Variants in INVS observed in about 807,000 individuals in gnomAD.
INVS encodes inversion of embryo turning homolog.
A neutral mutation model predicts 108.8 loss-of-function variants in INVS; 86 were observed. The ratio of observed to expected loss-of-function variants is 0.79; its 90% CI spans 0.66 to 0.95. The LOEUF (loss-of-function observed/expected upper bound fraction) is 0.95. INVS is among the 40% of genes least tolerant of loss of function. The probability of loss-of-function intolerance (pLI) is 0.00; values close to 1 mark genes in which losing one functional copy is unlikely to be tolerated. For synonymous variants in INVS, 455 were observed against 473.5 expected (o/e 0.96, Z 0.51); for missense variants, 1,169 against 1,297.4 (o/e 0.90, Z 1.52).
chr9:100,165,999 T>G (rs1292487475), intron 3 of INVS, among the ~76,000 whole-genome samples: 1 of 152,174 alleles, frequency 6.6e-6, no homozygotes, highest in African/African-American at 2.4e-5. Context: ...GCGGATTTTT[T>G]TAAGCAATAA....
chr9:100,153,461 A>T (rs1828871587), intron 3 of INVS, among the ~76,000 whole-genome samples: 1 of 152,194 alleles, frequency 6.6e-6, no homozygotes, highest in Non-Finnish European at 1.5e-5. Context: ...TTCGTCATAA[A>T]AGAAATACAA....
intron 13 of INVS, among the ~76,000 whole-genome samples, chr9:100,288,965 T>C (rs1833531641): frequency 6.9e-6 from 1 of 144,548 alleles, no homozygotes; most frequent in African/African-American, 2.7e-5. Flanking sequence ...GAGACTCTTT[T>C]GCTGGTTGGA....
At chr9:100,166,130 TG>T (rs1282105439) in intron 3 of INVS, among the ~76,000 whole-genome samples, 15 of 152,320 alleles carry the variant, frequency 9.8e-5, no homozygotes, top group African/African-American at 3.6e-4. Context: ...ATTGTCTAGA[TG>T]AAAAACCTGA....
intron 3 of INVS, among the ~76,000 whole-genome samples, chr9:100,221,231 T>G (rs1382972202): frequency 6.6e-6 from 1 of 152,132 alleles, no homozygotes; most frequent in Non-Finnish European, 1.5e-5. Context: ...ACTAGAAATA[T>G]TCTCCTGATT....
chr9:100,255,097 C>G (rs990699349), intron 10 of INVS, among the ~76,000 whole-genome samples: 3 of 152,138 alleles, frequency 2.0e-5, no homozygotes, highest in African/African-American at 7.2e-5. Flanking sequence ...TTTCATTGAG[C>G]AGTGGTTTGT....
intron 3 of INVS, among the ~76,000 whole-genome samples, chr9:100,225,500 G>A (rs7853672): frequency 0.18 from 26,965 of 152,020 alleles, 3,640 homozygotes; most frequent in African/African-American, 0.38. Context: ...CTGTAAATTG[G>A]GATTTAACAT....
At chr9:100,261,078 AT>A (rs1832605657) in intron 10 of INVS, among the ~76,000 whole-genome samples, 1 of 152,178 alleles carries the variant, frequency 6.6e-6, no homozygotes, top group African/African-American at 2.4e-5. Context: ...TAATTAAATT[AT>A]TTTAACTCTT....
intron 3 of INVS, among the ~76,000 whole-genome samples, chr9:100,191,287 G>T (rs1588076948): frequency 6.6e-6 from 1 of 152,048 alleles, no homozygotes; most frequent in Non-Finnish European, 1.5e-5. Flanking sequence ...CAAATTTTTT[G>T]TTTGTCTTCT....
intron 13 of INVS, among the ~76,000 whole-genome samples, chr9:100,289,708 C>T (rs1412433078): frequency 6.6e-6 from 1 of 152,160 alleles, no homozygotes; most frequent in Admixed American, 6.5e-5. Context: ...ATATTGTTCT[C>T]AGAGCAGTAC....
chr9:100,105,652 A>G (rs1341242312), intron 2 of INVS, among the ~76,000 whole-genome samples: 1 of 152,036 alleles, frequency 6.6e-6, no homozygotes, highest in Non-Finnish European at 1.5e-5. Context: ...AAATCACTCA[A>G]ACATTCTACC....
intron 3 of INVS, among the ~76,000 whole-genome samples, chr9:100,173,155 G>T (rs1829597113): frequency 6.6e-6 from 1 of 152,182 alleles, no homozygotes; most frequent in Non-Finnish European, 1.5e-5. Flanking sequence ...TGGTGTAGTA[G>T]CTCCTATTGG....
At chr9:100,281,514 G>A (rs569000702) in intron 12 of INVS, among the ~76,000 whole-genome samples, 78 of 152,210 alleles carry the variant, frequency 5.1e-4, no homozygotes, top group African/African-American at 1.6e-3. Flanking sequence ...ATCCCACTCC[G>A]TTTTTTCTCA....
intron 3 of INVS, among the ~76,000 whole-genome samples, chr9:100,167,808 A>G (rs1349139474): frequency 1.3e-5 from 2 of 152,172 alleles, no homozygotes; most frequent in Admixed American, 6.5e-5. Context: ...CTAAAGTTAT[A>G]GCTTTAATAA....
intron 3 of INVS, among the ~76,000 whole-genome samples, chr9:100,147,548 T>C (rs888139863): frequency 5.3e-5 from 8 of 152,222 alleles, no homozygotes; most frequent in African/African-American, 1.7e-4. Context: ...GGGATAGTTA[T>C]CTAAATTGCA....
chr9:100,153,640 A>G (rs2118988586), intron 3 of INVS, among the ~76,000 whole-genome samples: 1 of 152,298 alleles, frequency 6.6e-6, no homozygotes, highest in South Asian at 2.1e-4. Context: ...ACAGAATACC[A>G]CAGACTGGGT....
At chr9:100,124,655 G>A (rs1350985383) in intron 2 of INVS, among the ~76,000 whole-genome samples, 1 of 151,656 alleles carries the variant, frequency 6.6e-6, no homozygotes, top group Non-Finnish European at 1.5e-5. Flanking sequence ...TTTCATGAGT[G>A]TTCATAGTTG....
At chr9:100,229,502 C>T (rs987154930) in intron 4 of INVS, among the ~76,000 whole-genome samples, 158 bp from the exon 5 acceptor site, 3 of 152,258 alleles carry the variant, frequency 2.0e-5, no homozygotes, top group Admixed American at 6.5e-5. Flanking sequence ...TATATTTAGA[C>T]TTCGGTTGAA....
intron 2 of INVS, among the ~76,000 whole-genome samples, chr9:100,106,949 AAAG>A (rs141488232): frequency 0.19 from 28,415 of 151,912 alleles, 4,186 homozygotes; most frequent in African/African-American, 0.41. Flanking sequence ...CAATTGTTGA[AAAG>A]AAGAATGAAA....
At position 100,250,701 on chromosome 9, in the gene INVS, A is replaced by C. The variant is rs147481380; in HGVS notation, c.1079-1582A>C. Among the ~76,000 whole-genome samples the C allele has an allele frequency of 1.4e-3, 220 of 152,246 alleles. 1 individual carries two copies. Among genetic ancestry groups the C allele is most frequent in the African/African-American group, 5.1e-3 (213 of 41,542 alleles). ...CCTAATCAGACCACCATCATTTTTC[A>C]CTCAGTCTACTGCCAAAATCCTTAC... is the stretch of plus-strand genomic sequence containing the variant. On this transcript the variant is annotated intron_variant, in intron 8 of 16. Transcript: ENST00000262457.
Sources: allele counts gnomAD v4.1 joint callset (sites outside exome capture counted in the v4.1 genomes callset), GRCh38; gene constraint gnomAD v4.1.1; transcripts MANE v1.5; gene names NCBI Gene and HGNC (gene_info 2026-07-23, HGNC 2026-07-21).